CUBN: variants seen among roughly 807,000 people sequenced by gnomAD.
CUBN encodes 460 kDa receptor.
A neutral mutation model predicts 405.3 loss-of-function variants in CUBN; 282 were observed. The ratio of observed to expected loss-of-function variants is 0.70; its 90% CI spans 0.63 to 0.77. The LOEUF (loss-of-function observed/expected upper bound fraction) is 0.77, where lower values mean the gene tolerates loss of function less well. Ranked by LOEUF, CUBN falls within the 30% of genes least tolerant of loss-of-function variation. The pLI, the probability that CUBN is intolerant of heterozygous loss-of-function variation, is 0.00. For synonymous variants in CUBN, 1,684 were observed against 1,617.0 expected (o/e 1.04, Z -0.99); for missense variants, 4,514 against 4,475.2 (o/e 1.01, Z -0.25).
At chr10:17,020,011 TA>T in intron 27 of CUBN, 28 bp from the exon 28 acceptor site, 1 of 1,613,348 alleles carries the variant, frequency 6.2e-7, no homozygotes. Flanking sequence ...CTTTCCCATA[TA>T]AAAACACATG....
At chr10:16,941,950 T>C (rs536422780) in intron 36 of CUBN, among the ~76,000 whole-genome samples, 1 of 151,934 alleles carries the variant, frequency 6.6e-6, no homozygotes, top group Non-Finnish European at 1.5e-5. Context: ...AGTTGAAATA[T>C]AAAAGGAATT....
chr10:16,851,718 A>G (rs564191237), intron 59 of CUBN, among the ~76,000 whole-genome samples: 71 of 65,440 alleles, frequency 1.1e-3, no homozygotes, highest in Non-Finnish European at 2.0e-3. Context: ...CCTTCCCTCC[A>G]TCTTTCCCTC....
Position 16,830,929 on chromosome 10 carries a change from A to C in CUBN, c.10528+323T>G, listed in dbSNP as rs143246287. ...TGGGGAAACGCTCTGTCTACTAAAA[A>C]TACAAAAATCGGCTGGGCATGGTGG... On this transcript the variant is annotated intron_variant, in intron 65 of 66. Coordinates refer to ENST00000377833, the MANE Select transcript of CUBN (RefSeq NM_001081.4). Among the ~76,000 whole-genome samples the C allele has an allele frequency of 6.0e-4, 91 of 152,230 alleles. 1 individual carries two copies. The East Asian group carries it at 0.016, about 27-fold the overall frequency.
intron 31 of CUBN, among the ~76,000 whole-genome samples, chr10:16,975,970 CT>C (rs536882786): frequency 0.013 from 1,715 of 131,816 alleles, 21 homozygotes; most frequent in African/African-American, 0.034. Context: ...ACCTTTATTC[CT>C]TTTTTTTTTT....
At chr10:16,994,134 T>C (rs1375007154) in intron 28 of CUBN, among the ~76,000 whole-genome samples, 1 of 152,210 alleles carries the variant, frequency 6.6e-6, no homozygotes, top group Non-Finnish European at 1.5e-5. Flanking sequence ...AACTTAACTG[T>C]CTTCGTATTT....
intron 59 of CUBN, among the ~76,000 whole-genome samples, chr10:16,860,955 C>T (rs750953664): frequency 6.6e-6 from 1 of 152,220 alleles, no homozygotes; most frequent in Non-Finnish European, 1.5e-5. Context: ...CAGCTCAAAA[C>T]AATGACTGGC....
chr10:16,972,514 C>T (rs183827334), intron 31 of CUBN, among the ~76,000 whole-genome samples: 13 of 151,778 alleles, frequency 8.6e-5, no homozygotes, highest in Non-Finnish European at 1.5e-4. Context: ...CACAGCTCAC[C>T]GCAGCCTCGA....
chr10:17,019,343 C>A (rs1306903689), intron 28 of CUBN, among the ~76,000 whole-genome samples: 1 of 152,160 alleles, frequency 6.6e-6, no homozygotes, highest in East Asian at 1.9e-4. Flanking sequence ...TTGTGCATCG[C>A]AGCTCAAATT....
At chr10:17,027,540 C>T (rs770813457) in intron 27 of CUBN, among the ~76,000 whole-genome samples, 19 of 152,086 alleles carry the variant, frequency 1.2e-4, no homozygotes, top group Non-Finnish European at 2.2e-4. Flanking sequence ...TTCCCAATTT[C>T]CTATAATGAC....
intron 30 of CUBN, 79 bp from the exon 31 acceptor site, chr10:16,982,732 C>T: frequency 7.9e-7 from 1 of 1,260,542 alleles, no homozygotes; most frequent in Non-Finnish European, 1.1e-6. Flanking sequence ...TTGTATAGAT[C>T]AATACATTAC....
chr10:17,073,414 A>C (rs1197305786), intron 17 of CUBN, among the ~76,000 whole-genome samples: 2 of 151,604 alleles, frequency 1.3e-5, no homozygotes, highest in Non-Finnish European at 2.9e-5. Flanking sequence ...TTCATATAAT[A>C]GACTACTGAT....
At position 17,035,878 on chromosome 10, in the gene CUBN, T is replaced by G. The variant is rs1439709276; in HGVS notation, c.4017+5155A>C. On this transcript the variant is annotated intron_variant, in intron 27 of 66. Transcript: ENST00000377833. ...GGAGGGAGAGGATCCAAAAAAATAA[T>G]GAGAACTAGGCTTAATACCTAGGTG... Among the ~76,000 whole-genome samples the G allele has an allele frequency of 4.6e-5, 7 of 151,744 alleles. No individual in the cohort carries two copies. The East Asian group carries it at 1.4e-3, about 29-fold the overall frequency.
intron 57 of CUBN, among the ~76,000 whole-genome samples, chr10:16,874,764 C>A (rs1315518640): frequency 2.6e-5 from 4 of 152,062 alleles, no homozygotes; most frequent in Non-Finnish European, 5.9e-5. Flanking sequence ...CAGTCTGAGT[C>A]AAATTAATGG....
chr10:17,029,842 CT>C (rs1490677722), intron 27 of CUBN, among the ~76,000 whole-genome samples: 6 of 152,184 alleles, frequency 3.9e-5, no homozygotes, highest in Non-Finnish European at 5.9e-5. Flanking sequence ...ATCCCAGTGG[CT>C]TTTGTAGGAA....
At chr10:17,067,032 C>T (rs1015203226) in intron 21 of CUBN, among the ~76,000 whole-genome samples, 5 of 152,088 alleles carry the variant, frequency 3.3e-5, no homozygotes, top group African/African-American at 1.2e-4. Flanking sequence ...AACTGCTTTC[C>T]AGAACAACGC....
intron 31 of CUBN, among the ~76,000 whole-genome samples, chr10:16,971,219 A>G (rs1179754530): frequency 6.6e-6 from 1 of 152,234 alleles, no homozygotes; most frequent in Admixed American, 6.5e-5. Context: ...AATGTCTCCA[A>G]AATGAAGGAT....
chr10:17,038,996 T>A (rs960484126), intron 27 of CUBN, among the ~76,000 whole-genome samples: 41 of 152,202 alleles, frequency 2.7e-4, no homozygotes, highest in African/African-American at 9.4e-4. Flanking sequence ...TTTGAGTTTT[T>A]AAACACCTTT....
chr10:17,036,315 G>A (rs1027784289), intron 27 of CUBN, among the ~76,000 whole-genome samples: 3 of 152,164 alleles, frequency 2.0e-5, no homozygotes, highest in Admixed American at 1.3e-4. Flanking sequence ...CTAAAATTCC[G>A]AGGTTGCTGA....
chr10:17,066,699 C>A (rs1835619679), intron 21 of CUBN, among the ~76,000 whole-genome samples: 2 of 149,956 alleles, frequency 1.3e-5, no homozygotes, highest in African/African-American at 2.5e-5. Context: ...AGTACCTTCC[C>A]AAAAAAGAAA....
Sources: allele counts gnomAD v4.1 joint callset (sites outside exome capture counted in the v4.1 genomes callset), GRCh38; gene constraint gnomAD v4.1.1; transcripts MANE v1.5; gene names NCBI Gene and HGNC (gene_info 2026-07-23, HGNC 2026-07-21).